GPATCH3: variants seen among roughly 807,000 people sequenced by gnomAD.
GPATCH3 encodes the protein G patch domain-containing protein 3.
A neutral mutation model predicts 53.2 loss-of-function variants in GPATCH3; 45 were observed. That is an observed-to-expected ratio of 0.85 (90% CI 0.67 to 1.08). GPATCH3 has a LOEUF of 1.08. Among genes scored for constraint, GPATCH3 ranks in the 50% least tolerant of loss-of-function variants. The pLI, the probability that GPATCH3 is intolerant of heterozygous loss-of-function variation, is 0.00. For synonymous variants in GPATCH3, 280 were observed against 270.6 expected, an observed-to-expected ratio of 1.03 and a Z score of -0.34; for missense variants, 680 against 687.2, an observed-to-expected ratio of 0.99 and a Z score of 0.12.
At chr1:26,898,671 C>CTT (rs547852686) in intron 1 of GPATCH3, among the ~76,000 whole-genome samples, 1 of 143,820 alleles carries the variant, frequency 7.0e-6, no homozygotes, top group Admixed American at 7.0e-5. Context: ...TTTTTTTCTT[C>CTT]TTTTTTTTTT....
rs769132499 is a variant in GPATCH3, at chr1:26,900,144, C to T, written c.299G>A (p.Arg100His). 6.2e-7 allele frequency: 1 copy of T among 1,614,096 alleles called. No homozygotes were observed. The highest frequency in any genetic ancestry group is 1.1e-5 in the South Asian group (1 of 91,080). The change falls in exon 1 of 7, where the codon CGC becomes CAC. Residue 100 changes from arginine to histidine, a missense_variant. By Grantham distance (29) the Arg-to-His change is conservative. Transcript: ENST00000361720. ...TACCGAGATGACGCAGCAGCAGGTG[C>T]GGGTCTGGATTGGAGTAGAGTCTCG... The part of the protein sequence containing the change: ...STRDSTPIQT[R>H]TCCCVISVRG...
At position 26,900,456 on chromosome 1, in the gene GPATCH3, A is replaced by C. The variant is rs771916047; in HGVS notation, c.-14T>G. 2 of 1,602,436 alleles carry C rather than the reference A, an allele frequency of 1.2e-6. No homozygotes were observed. Among genetic ancestry groups the C allele is most frequent in the African/African-American group, 1.3e-5 (1 of 74,692 alleles). ...GGGCACCGCCATCTTGGATTGTCACATGATCAGCTAGAACCAAGTCTCGCG... is the reference window on the plus strand; with the variant it reads ...GGGCACCGCCATCTTGGATTGTCACCTGATCAGCTAGAACCAAGTCTCGCG... On this transcript the variant is annotated 5_prime_UTR_variant, in exon 1 of 7. It removes an upstream start codon present in the reference 5' UTR. Coordinates refer to ENST00000361720, the MANE Select transcript of GPATCH3 (RefSeq NM_022078.3).
chr1:26,896,110 G>A (rs767076933), intron 2 of GPATCH3, among the ~76,000 whole-genome samples: 3 of 152,266 alleles, frequency 2.0e-5, no homozygotes, highest in Non-Finnish European at 4.4e-5. Context: ...TGTTCAATCT[G>A]CTGACTCTAG....
chr1:26,894,155 C>T (rs1378166943), intron 3 of GPATCH3, 81 bp downstream of exon 3: 1 of 1,422,920 alleles, frequency 7.0e-7, no homozygotes, highest in African/African-American at 1.4e-5. Flanking sequence ...CTCACCACTA[C>T]AGAATCTACC....
In GPATCH3 at chr1:26,900,467, G is replaced by T; in HGVS notation, c.-25C>A. ...TCTTGGATTGTCACATGATCAGCTA[G>T]AACCAAGTCTCGCGAGAACACCGCG... On this transcript the variant is annotated 5_prime_UTR_variant, in exon 1 of 7. Transcript: ENST00000361720. 6.3e-7 allele frequency: 1 copy of T among 1,584,902 alleles called. No homozygotes were observed. The highest frequency in any genetic ancestry group is 1.1e-5 in the South Asian group (1 of 89,372).
At chr1:26,891,301 G>GTAGT in intron 6 of GPATCH3, 75 bp from the exon 7 acceptor site, 1 of 1,130,504 alleles carries the variant, frequency 8.8e-7, no homozygotes, top group South Asian at 1.4e-5. Flanking sequence ...GGACGGGGAA[G>GTAGT]TAGTTACTAC....
In GPATCH3 at chr1:26,891,130, G is replaced by A. The variant is rs2081923118; in HGVS notation, c.1458C>T (p.Pro486=). The change falls in exon 7 of 7, where the codon CCC becomes CCT. Residue 486 remains proline (P), a synonymous_variant. Coordinates refer to ENST00000361720, the MANE Select transcript of GPATCH3 (RefSeq NM_022078.3). ...LISTIYDEPL[P]QDQTESLLRR... ...GGAGCAGTGACTCCGTCTGGTCTTG[G>A]GGTAGAGGCTCATCATAGATGGTGG... The A allele has an allele frequency of 6.2e-7, 1 of 1,614,098 alleles. No homozygotes were observed. The highest frequency in any genetic ancestry group is 1.3e-5 in the African/African-American group (1 of 75,014).
intron 3 of GPATCH3, among the ~76,000 whole-genome samples, chr1:26,894,013 G>T (rs2081939732): frequency 1.3e-5 from 2 of 151,696 alleles, no homozygotes; most frequent in South Asian, 4.2e-4. Context: ...CCTCTGGGAG[G>T]GTTATTCAGA....
Position 26,890,786 on chromosome 1 carries a change from G to C in GPATCH3, c.*224C>G, listed in dbSNP as rs770884514. On this transcript the variant is annotated 3_prime_UTR_variant, in exon 7 of 7. Coordinates refer to ENST00000361720, the MANE Select transcript of GPATCH3 (RefSeq NM_022078.3). Reference sequence around the variant, plus strand: ...CCAGAGATTAGGGTTAGAGACCAAAGACAAGCGGTCGTTACCCCTAATATC... The same window carrying C: ...CCAGAGATTAGGGTTAGAGACCAAACACAAGCGGTCGTTACCCCTAATATC... 1 of 753,618 alleles carries C rather than the reference G, an allele frequency of 1.3e-6. No homozygotes were observed. Among genetic ancestry groups the C allele is most frequent in the Non-Finnish European group, 2.5e-6 (1 of 402,514 alleles). The allele number at this position is 753,618 out of a possible 1,614,324, so 46.7% of individuals were successfully genotyped here. A position where few individuals can be genotyped will look rare whatever the true frequency, so the allele number is the denominator to read the frequency against.
rs1570696896 is a variant in GPATCH3 at position 26,890,623 on chromosome 1, A to G, written c.*387T>C. The G allele has an allele frequency of 2.6e-6, 1 of 391,970 alleles. No individual in the cohort carries two copies. Among genetic ancestry groups the G allele is most frequent in the African/African-American group, 2.1e-5 (1 of 47,948 alleles). The allele number at this position is 391,970 out of a possible 1,614,324, so 24.3% of individuals were successfully genotyped here. ...CCCAAGGCCGGCTCTTCCAAGCACC[A>G]CAAATCCTCTCCTCGCCCAGGTCCC... On this transcript the variant is annotated 3_prime_UTR_variant, in exon 7 of 7. Coordinates refer to ENST00000361720, the MANE Select transcript of GPATCH3 (RefSeq NM_022078.3).
chr1:26,895,105 T>C (rs1397070257), intron 2 of GPATCH3, among the ~76,000 whole-genome samples: 1 of 152,112 alleles, frequency 6.6e-6, no homozygotes. Context: ...TTTAGGCTCT[T>C]TGAGGGCAGG....
chr1:26,892,333 C>CA, intron 6 of GPATCH3, 78 bp downstream of exon 6: 1 of 1,554,338 alleles, frequency 6.4e-7, no homozygotes, highest in Non-Finnish European at 8.8e-7. Flanking sequence ...GCAGCCATGC[C>CA]AAAACCAGTG....
rs376709877 is a variant in GPATCH3 at position 26,891,164 on chromosome 1, C to T, written c.1424G>A (p.Gly475Glu). ...QLKRPRRNGL[G>E]LISTIYDEPL... ...CTCATCATAGATGGTGGAGATGAGC[C>T]CCAAGCCATTTCTACGGGGCCTCTT... is the stretch of plus-strand genomic sequence containing the variant. The change falls in exon 7 of 7, where the codon GGG (glycine) becomes GAG (glutamate). Residue 475 changes from glycine to glutamate, a missense_variant. Physicochemically the swap from Gly to Glu is moderately conservative, Grantham distance 98 (BLOSUM62 -2). Coordinates refer to ENST00000361720, the MANE Select transcript of GPATCH3 (RefSeq NM_022078.3). The T allele has an allele frequency of 1.8e-5, 29 of 1,613,846 alleles. No individual in the cohort carries two copies. Among genetic ancestry groups the T allele is most frequent in the Middle Eastern group, 3.3e-4 (2 of 6,068 alleles).
chr1:26,894,170 G>A, intron 3 of GPATCH3, 66 bp downstream of exon 3: 21 of 1,520,958 alleles, frequency 1.4e-5, no homozygotes, highest in Non-Finnish European at 1.9e-5. Context: ...TCTACCGTGT[G>A]GAACAGGGAA....
Position 26,890,724 on chromosome 1 carries a change from C to A in GPATCH3, c.*286G>T. The stretch of plus-strand genomic sequence containing the variant: ...GCTGTGCTGATAGCCTCACTCAACC[C>A]AGCTTTTCAAAGTTCTGCAGGAGGC... On this transcript the variant is annotated 3_prime_UTR_variant, in exon 7 of 7. Coordinates refer to ENST00000361720, the MANE Select transcript of GPATCH3 (RefSeq NM_022078.3). 1.6e-6 allele frequency: 1 copy of A among 609,434 alleles called. No individual in the cohort carries two copies. The highest frequency in any genetic ancestry group is 3.1e-6 in the Non-Finnish European group (1 of 319,334). The allele number at this position is 609,434 out of a possible 1,614,324, so 37.8% of individuals were successfully genotyped here.
chr1:26,893,934 A>G (rs1052779622), intron 3 of GPATCH3, among the ~76,000 whole-genome samples: 1 of 151,932 alleles, frequency 6.6e-6, no homozygotes. Context: ...CTCCTGCCTC[A>G]GTCTCTTAAG....
rs771032341 is a variant in GPATCH3, at chr1:26,892,694, C to G, written c.1209G>C (p.Val403=). 1 of 1,614,122 alleles carries G rather than the reference C, an allele frequency of 6.2e-7. No individual in the cohort carries two copies. Among genetic ancestry groups the G allele is most frequent in the Non-Finnish European group, 8.5e-7 (1 of 1,180,028 alleles). ...QEDGSVIERQ[V]GTFERHTKGI... is the part of the protein sequence containing the mutation. ...CCTTGGTGTGGCGCTCAAAGGTGCC[C>G]ACCTGGCGTTCGATCACAGAGCCAT... Residue 403 remains valine (V), a synonymous_variant, in exon 5 of 7, where the codon GTG becomes GTC. Coordinates refer to ENST00000361720, the MANE Select transcript of GPATCH3 (RefSeq NM_022078.3).
At chr1:26,892,352 G>T in intron 6 of GPATCH3, 59 bp downstream of exon 6, 1 of 1,580,014 alleles carries the variant, frequency 6.3e-7, no homozygotes, top group Non-Finnish European at 8.7e-7. Flanking sequence ...TGGGAAGAGG[G>T]AAACCAGGGC....
In GPATCH3 at chr1:26,892,492, T is replaced by C. The variant is rs1015808961; in HGVS notation, c.1280A>G (p.Gln427Arg). 2.5e-6 allele frequency: 4 copies of C among 1,614,048 alleles called. No homozygotes were observed. The highest frequency in any genetic ancestry group is 1.6e-4 in the Middle Eastern group (1 of 6,062). Residue 427 changes from glutamine to arginine, a missense_variant, in exon 6 of 7, where the codon CAG (glutamine) becomes CGG (arginine). Physicochemically the swap from Gln to Arg is conservative, Grantham distance 43. Coordinates refer to ENST00000361720, the MANE Select transcript of GPATCH3 (RefSeq NM_022078.3). ...VMERQGWAEGQGLGCRCSGVP... is the reference protein window; with the variant it reads ...VMERQGWAEGRGLGCRCSGVP... ...CCCTGAGCACCTGCAGCCCAGGCCC[T>C]GGCCCTCAGCCCAGCCCTGCCGCTC...
Sources: gnomAD v4.1 joint callset for allele counts (sites outside exome capture counted in the v4.1 genomes callset) on GRCh38, gnomAD v4.1.1 for gene constraint, MANE v1.5 for transcripts, NCBI Gene and HGNC (gene_info 2026-07-23, HGNC 2026-07-21) for gene names.